The following TMED3 variants were observed in gnomAD, a reference collection of about 807,000 sequenced individuals.
The protein encoded by TMED3 is transmembrane emp24 domain-containing protein 3.
A neutral mutation model predicts 15.0 loss-of-function variants in TMED3; 9 were observed. The observed-to-expected ratio is 0.60, with a 90% CI of 0.36 to 1.04. The LOEUF (loss-of-function observed/expected upper bound fraction) is 1.04, where lower values mean the gene tolerates loss of function less well. Ranked by LOEUF, TMED3 falls within the 50% of genes least tolerant of loss-of-function variation. The probability of loss-of-function intolerance (pLI) is 0.01; values close to 1 mark genes in which losing one functional copy is unlikely to be tolerated. For missense variants in TMED3, 267 were observed against 278.9 expected, an observed-to-expected ratio of 0.96 and a Z score of 0.30; for synonymous variants, 117 against 121.4, an observed-to-expected ratio of 0.96 and a Z score of 0.24.
At chr15:79,396,316 A>G (rs1034333021) in intron 2 of TMED3, among the ~76,000 whole-genome samples, 1 of 152,236 alleles carries the variant, frequency 6.6e-6, no homozygotes, top group Non-Finnish European at 1.5e-5. Flanking sequence ...AGGAATTTAT[A>G]AAGGGCACAC....
At position 79,354,182 on chromosome 15, in the gene TMED3, A is replaced by T. The variant is rs540402628; in HGVS notation, c.417+40177A>T. Among the ~76,000 whole-genome samples the T allele has an allele frequency of 3.9e-5, 6 of 152,332 alleles. No individual in the cohort carries two copies. The South Asian group carries it at 1.2e-3, about 32-fold the overall frequency. On this transcript the variant is annotated intron_variant, in intron 2 of 2. Coordinates refer to the TMED3 transcript ENST00000424155. ...TGTAAAACTTCATTTTGCCTGATGCAAAGTTCCCAGTATTCTTGTCACTAA... is the reference window on the plus strand; with the variant it reads ...TGTAAAACTTCATTTTGCCTGATGCTAAGTTCCCAGTATTCTTGTCACTAA...
intron 2 of TMED3, among the ~76,000 whole-genome samples, chr15:79,401,678 A>G (rs140274613): frequency 2.0e-5 from 3 of 152,214 alleles, no homozygotes; most frequent in Non-Finnish European, 4.4e-5. Flanking sequence ...GACATGGGGT[A>G]GTGCGAAAGA....
chr15:79,341,090 AG>A (rs1345707866), intron 2 of TMED3, among the ~76,000 whole-genome samples: 1 of 135,496 alleles, frequency 7.4e-6, no homozygotes, highest in Non-Finnish European at 1.5e-5. Flanking sequence ...GCTACTTGGG[AG>A]GGTGAGGTGG....
chr15:79,378,418 C>A (rs374914301), intron 2 of TMED3, among the ~76,000 whole-genome samples: 5 of 152,148 alleles, frequency 3.3e-5, no homozygotes. Context: ...GAGACTCAAG[C>A]CTCTTTTGAT....
chr15:79,373,179 AATC>A (rs1893371960), intron 2 of TMED3, among the ~76,000 whole-genome samples: 2 of 152,226 alleles, frequency 1.3e-5, no homozygotes, highest in South Asian at 4.1e-4. Flanking sequence ...AAACACCACT[AATC>A]ATGCAGATAA....
rs933210110 is a variant in TMED3, at chr15:79,353,437, A to G, written c.417+39432A>G. On this transcript the variant is annotated intron_variant, in intron 2 of 2. Coordinates refer to the TMED3 transcript ENST00000424155. ...ATATAAAAATCAATATTTTCTTACA[A>G]ACCAACAATAGCTAGTTAGAAAATT... is the stretch of plus-strand genomic sequence containing the variant. 2.9e-5 allele frequency among the ~76,000 whole-genome samples: 4 copies of G among 139,742 alleles called. No individual in the cohort carries two copies. The Admixed American group carries it at 3.2e-4, about 11-fold the overall frequency. The allele number at this position is 139,742 out of a possible 152,430, so 91.7% of individuals were successfully genotyped here. A position where few individuals can be genotyped will look rare whatever the true frequency, so the allele number is the denominator to read the frequency against.
chr15:79,413,576 G>C (rs1894023882), exon 3 of TMED3: 1 of 152,260 alleles, frequency 6.6e-6, no homozygotes, highest in South Asian at 2.1e-4. Flanking sequence ...CCTTGGCCTT[G>C]TCCCAATTTA....
intron 2 of TMED3, among the ~76,000 whole-genome samples, chr15:79,409,712 C>T (rs1028362088): frequency 4.6e-5 from 7 of 152,114 alleles, no homozygotes; most frequent in African/African-American, 7.2e-5. Flanking sequence ...AGTTTTGGTT[C>T]GTATTGTAAG....
intron 2 of TMED3, among the ~76,000 whole-genome samples, chr15:79,407,046 T>C (rs1893911512): frequency 6.6e-6 from 1 of 152,218 alleles, no homozygotes; most frequent in East Asian, 1.9e-4. Context: ...CTTTCACGTG[T>C]TTCCAGGGAT....
chr15:79,402,457 G>A (rs984669306), intron 2 of TMED3, among the ~76,000 whole-genome samples: 1 of 152,212 alleles, frequency 6.6e-6, no homozygotes, highest in African/African-American at 2.4e-5. Context: ...GCACAAAGCT[G>A]ATTGTCCTAG....
chr15:79,399,223 C>T (rs1893802232), intron 2 of TMED3, among the ~76,000 whole-genome samples: 2 of 152,132 alleles, frequency 1.3e-5, no homozygotes, highest in Admixed American at 1.3e-4. Flanking sequence ...ATCTTAATCT[C>T]ATTCAAAAGC....
At position 79,406,238 on chromosome 15, in the gene TMED3, A is replaced by T. The variant is rs570647010; in HGVS notation, c.418-5162A>T. ...CTAATTTGCTGTCTTCACCGGGGTG[A>T]GGGGCTGTTTCTTGGACTTCCACTC... On this transcript the variant is annotated intron_variant, in intron 2 of 2. Transcript: ENST00000424155. 1.7e-4 allele frequency among the ~76,000 whole-genome samples: 26 copies of T among 152,298 alleles called. No individual in the cohort carries two copies. In the South Asian group the frequency reaches 2.5e-3, roughly 15 times the overall value.
chr15:79,411,559 C>A, exon 3 of TMED3: 1 of 697,732 alleles, frequency 1.4e-6, no homozygotes, highest in South Asian at 1.5e-5. Flanking sequence ...ACAGAAGCTA[C>A]GCTGAAGTGG....
chr15:79,378,319 G>A (rs1257794482), intron 2 of TMED3, among the ~76,000 whole-genome samples: 1 of 152,184 alleles, frequency 6.6e-6, no homozygotes, highest in African/African-American at 2.4e-5. Flanking sequence ...AATTCCAGTG[G>A]CCTAACACAA....
intron 2 of TMED3, among the ~76,000 whole-genome samples, chr15:79,391,345 G>A (rs780625449): frequency 5.9e-5 from 9 of 152,106 alleles, no homozygotes; most frequent in Non-Finnish European, 1.0e-4. Context: ...TCACTCAGGA[G>A]CAGGTTATCT....
chr15:79,364,805 T>A (rs997514035), intron 2 of TMED3, among the ~76,000 whole-genome samples: 1 of 151,302 alleles, frequency 6.6e-6, no homozygotes, highest in African/African-American at 2.4e-5. Flanking sequence ...CAGCTCCCCA[T>A]CCATCCCTCT....
chr15:79,353,210 TTA>T (rs1248278306), intron 2 of TMED3, among the ~76,000 whole-genome samples: 1,037 of 81,368 alleles, frequency 0.013, 37 homozygotes, highest in African/African-American at 0.052. Flanking sequence ...AAAATATATA[TTA>T]TATATATTAT....
chr15:79,330,288 C>A (rs1197963569), intron 2 of TMED3, among the ~76,000 whole-genome samples: 1 of 152,134 alleles, frequency 6.6e-6, no homozygotes, highest in African/African-American at 2.4e-5. Context: ...CCTAGCAAAA[C>A]CTAAAGACTC....
intron 2 of TMED3, among the ~76,000 whole-genome samples, chr15:79,369,803 G>T (rs1893302685): frequency 6.6e-6 from 1 of 152,224 alleles, no homozygotes; most frequent in South Asian, 2.1e-4. Flanking sequence ...GCTGTGCCAG[G>T]CCAGCTCCTG....
Sources: allele counts gnomAD v4.1 joint callset (sites outside exome capture counted in the v4.1 genomes callset), GRCh38; gene constraint gnomAD v4.1.1; transcripts MANE v1.5; gene names NCBI Gene and HGNC (gene_info 2026-07-23, HGNC 2026-07-21).